Variants in GAK observed in about 807,000 individuals in gnomAD.
The protein encoded by GAK is cyclin G associated kinase.
In GAK, 79 loss-of-function variants were observed where a neutral mutation model predicts 143.9. The ratio of observed to expected loss-of-function variants is 0.55; its 90% CI spans 0.46 to 0.66. The LOEUF is 0.66. GAK is among the 30% of genes least tolerant of loss of function. GAK has a pLI of 0.00. For synonymous variants in GAK, 881 were observed against 765.5 expected, an observed-to-expected ratio of 1.15 and a Z score of -2.49; for missense variants, 1,693 against 1,779.7, an observed-to-expected ratio of 0.95 and a Z score of 0.88.
intron 19 of GAK, chr4:869,999 C>T (rs1472919968): frequency 1.3e-5 from 2 of 152,770 alleles, no homozygotes; most frequent in African/African-American, 4.8e-5. Flanking sequence ...GCATGGTACA[C>T]ACGAACGCAC....
intron 5 of GAK, among the ~76,000 whole-genome samples, chr4:903,664 G>A (rs370303264): frequency 3.3e-4 from 49 of 150,374 alleles, no homozygotes; most frequent in Middle Eastern, 3.4e-3. Flanking sequence ...GGAGCGTGGG[G>A]TGAGCAGGAG....
At chr4:894,911 C>T (rs1718465488) in intron 7 of GAK, 1 of 152,184 alleles carries the variant, frequency 6.6e-6, no homozygotes, top group African/African-American at 2.4e-5. Context: ...ACCCGGGAGG[C>T]AGAGGTTGCA....
chr4:849,833 G>GGGGGGGCCCCCCCC, intron 27 of GAK, 59 bp from the exon 28 acceptor site: 1 of 1,190,150 alleles, frequency 8.4e-7, no homozygotes, highest in Non-Finnish European at 1.2e-6. Flanking sequence ...GGCGGGGCAG[G>GGGGGGGCCCCCCCC]ACCCCCCCCC....
intron 1 of GAK, among the ~76,000 whole-genome samples, chr4:924,238 A>C (rs1311546755): frequency 6.6e-6 from 1 of 151,914 alleles, no homozygotes; most frequent in Non-Finnish European, 1.5e-5. Context: ...ATGAAATCAC[A>C]ATGAGATCGA....
chr4:886,190 C>G (rs1487892969), intron 11 of GAK: 1 of 152,266 alleles, frequency 6.6e-6, no homozygotes, highest in Non-Finnish European at 1.5e-5. Flanking sequence ...AAACAAACAG[C>G]AGGGCTGCCC....
chr4:914,372 AC>A (rs1560428580), intron 1 of GAK, among the ~76,000 whole-genome samples: 4 of 36,974 alleles, frequency 1.1e-4, no homozygotes, highest in African/African-American at 2.2e-4. Context: ...CACGGCCCCC[AC>A]ACACACAGCC....
At chr4:871,514 G>A (rs1039309794) in intron 18 of GAK, among the ~76,000 whole-genome samples, 1 of 152,264 alleles carries the variant, frequency 6.6e-6, no homozygotes, top group Non-Finnish European at 1.5e-5. Context: ...CCGGCTGCCA[G>A]GGAATTGGGA....
chr4:900,608 C>T (rs1001571121), intron 5 of GAK, among the ~76,000 whole-genome samples: 20 of 152,170 alleles, frequency 1.3e-4, no homozygotes, highest in Non-Finnish European at 2.9e-5. Context: ...GGAAGAACCA[C>T]CCAGACAGCA....
rs1392870611 is a variant in GAK at position 883,372 on chromosome 4, G to C, written c.1347C>G (p.His449Gln). 1 of 1,613,754 alleles carries C rather than the reference G, an allele frequency of 6.2e-7. No individual in the cohort carries two copies. Among genetic ancestry groups the C allele is most frequent in the African/African-American group, 1.3e-5 (1 of 75,064 alleles). ...TCGGGGACAGGTTGTAGACGGCATA[G>C]TGCCCTGGGTGCTTGGAGTCCAGGA... Reference protein sequence around the residue: ...RLFLDSKHPGHYAVYNLSPRT... With the variant: ...RLFLDSKHPGQYAVYNLSPRT... Residue 449 changes from histidine to glutamine, a missense_variant, in exon 13 of 28, where the codon CAC becomes CAG. Coordinates refer to ENST00000314167, the MANE Select transcript of GAK (RefSeq NM_005255.4).
chr4:929,225 G>T (rs1577347532), intron 1 of GAK, among the ~76,000 whole-genome samples: 1 of 152,318 alleles, frequency 6.6e-6, no homozygotes, highest in African/African-American at 2.4e-5. Flanking sequence ...TCCTGAGCGG[G>T]CCCAGCCACT....
intron 9 of GAK, among the ~76,000 whole-genome samples, chr4:891,902 C>A (rs1452546579): frequency 2.6e-5 from 4 of 152,180 alleles, no homozygotes; most frequent in African/African-American, 7.2e-5. Flanking sequence ...CATCAACTCT[C>A]CCGCCTCAGA....
At chr4:881,741 C>T (rs2279187) in intron 15 of GAK, among the ~76,000 whole-genome samples, 166 bp downstream of exon 15, 12,501 of 152,334 alleles carry the variant, frequency 0.082, 704 homozygotes, top group South Asian at 0.17. Flanking sequence ...CCGGGCTCTG[C>T]GGCCGTAAGC....
chr4:865,610 G>A (rs532933829), intron 22 of GAK, among the ~76,000 whole-genome samples: 1 of 152,332 alleles, frequency 6.6e-6, no homozygotes, highest in South Asian at 2.1e-4. Flanking sequence ...CCACCTGGCT[G>A]AGCTGCCTTC....
chr4:903,710 G>C (rs1438127852), intron 5 of GAK, among the ~76,000 whole-genome samples: 2 of 119,604 alleles, frequency 1.7e-5, no homozygotes, highest in Admixed American at 8.0e-5. Context: ...GGGGGCGGTG[G>C]GGGGGCGGCC....
chr4:862,431 C>T (rs538827441), intron 23 of GAK, among the ~76,000 whole-genome samples: 3 of 152,302 alleles, frequency 2.0e-5, no homozygotes, highest in South Asian at 4.1e-4. Context: ...GAGGCTGAGG[C>T]GGGCGGATCA....
intron 1 of GAK, among the ~76,000 whole-genome samples, chr4:925,758 A>G (rs1362266271): frequency 6.6e-6 from 1 of 152,216 alleles, no homozygotes; most frequent in Non-Finnish European, 1.5e-5. Flanking sequence ...GGACCTCACC[A>G]GACACCAGAT....
chr4:852,294 C>T (rs1462557043), intron 24 of GAK: 1 of 400,774 alleles, frequency 2.5e-6, no homozygotes, highest in Non-Finnish European at 4.5e-6. Context: ...GGGCAGTGTC[C>T]CCACGTCACC....
chr4:857,387 G>A (rs1749479057), intron 24 of GAK, among the ~76,000 whole-genome samples: 2 of 152,196 alleles, frequency 1.3e-5, no homozygotes, highest in Admixed American at 6.5e-5. Context: ...GGGTGGAATT[G>A]GCATTCTCTT....
At chr4:928,827 G>C (rs1360338771) in intron 1 of GAK, among the ~76,000 whole-genome samples, 1 of 151,860 alleles carries the variant, frequency 6.6e-6, no homozygotes. Flanking sequence ...GCAATGGCGT[G>C]ATCTTGGCTC....
Sources: allele counts gnomAD v4.1 joint callset (sites outside exome capture counted in the v4.1 genomes callset), GRCh38; gene constraint gnomAD v4.1.1; transcripts MANE v1.5; gene names NCBI Gene and HGNC (gene_info 2026-07-23, HGNC 2026-07-21).